The following ADGRV1 variants were observed in gnomAD, a reference collection of about 807,000 sequenced individuals.
ADGRV1 encodes the protein G-protein coupled receptor 98.
ADGRV1 carries 359 observed loss-of-function variants against 596.2 expected under a neutral mutation model. The ratio of observed to expected loss-of-function variants is 0.60; its 90% CI spans 0.55 to 0.66. The LOEUF (loss-of-function observed/expected upper bound fraction) is 0.66, where lower values mean the gene tolerates loss of function less well. ADGRV1 is among the 30% of genes least tolerant of loss of function. The pLI is 0.00. For synonymous variants in ADGRV1, 2,681 were observed against 2,679.2 expected (o/e 1.00, Z -0.02); for missense variants, 7,274 against 7,575.6 (o/e 0.96, Z 1.48).
chr5:91,004,920 C>G (rs944764835), intron 85 of ADGRV1, among the ~76,000 whole-genome samples: 1 of 152,060 alleles, frequency 6.6e-6, no homozygotes, highest in African/African-American at 2.4e-5. Flanking sequence ...CCTGGAGAAT[C>G]GACTGGGAGA....
At chr5:91,003,487 A>G (rs1194600947) in intron 85 of ADGRV1, among the ~76,000 whole-genome samples, 1 of 152,154 alleles carries the variant, frequency 6.6e-6, no homozygotes, top group East Asian at 1.9e-4. Context: ...GTTTCTCTGA[A>G]GGTAGAGGAA....
intron 76 of ADGRV1, among the ~76,000 whole-genome samples, chr5:90,824,922 C>T (rs1763943141): frequency 1.3e-5 from 2 of 152,030 alleles, no homozygotes; most frequent in South Asian, 4.1e-4. Context: ...CATCAACCCT[C>T]TCAACCCCAT....
At position 90,737,813 on chromosome 5, in the gene ADGRV1, T is replaced by C. The variant is rs968386931; in HGVS notation, c.10550-7233T>C. Among the ~76,000 whole-genome samples the C allele has an allele frequency of 6.6e-5, 10 of 152,130 alleles. No individual in the cohort carries two copies. The East Asian group carries it at 1.9e-3, about 29-fold the overall frequency. On this transcript the variant is annotated intron_variant, in intron 50 of 89. Transcript: ENST00000405460. ...CATTCCTTCATTTTCACTTTATATG[T>C]GTCGTTATTGGTAAATAGTCTCTTG...
intron 83 of ADGRV1, among the ~76,000 whole-genome samples, chr5:90,935,724 A>ATG (rs923789668): frequency 5.3e-5 from 8 of 152,188 alleles, no homozygotes; most frequent in Admixed American, 3.3e-4. Flanking sequence ...GGAAGGACAG[A>ATG]TGTGTGTCCG....
chr5:90,591,463 T>C (rs1402877215), intron 1 of ADGRV1, among the ~76,000 whole-genome samples: 1 of 152,180 alleles, frequency 6.6e-6, no homozygotes, highest in African/African-American at 2.4e-5. Context: ...AAATATTATC[T>C]ACTGGTTAGA....
chr5:90,932,157 T>A (rs1229912399), intron 83 of ADGRV1, among the ~76,000 whole-genome samples: 1 of 152,218 alleles, frequency 6.6e-6, no homozygotes, highest in East Asian at 1.9e-4. Flanking sequence ...TTCAAGGAAG[T>A]GGTAACTTGC....
chr5:90,920,615 T>G (rs1036579592), intron 83 of ADGRV1, among the ~76,000 whole-genome samples: 5 of 152,198 alleles, frequency 3.3e-5, no homozygotes, highest in Non-Finnish European at 5.9e-5. Flanking sequence ...CAAAAATATT[T>G]TATTAGATGA....
At chr5:91,134,652 C>T (rs902502203) in intron 87 of ADGRV1, among the ~76,000 whole-genome samples, 1 of 152,114 alleles carries the variant, frequency 6.6e-6, no homozygotes, top group African/African-American at 2.4e-5. Flanking sequence ...ATTGTACAAA[C>T]ATTTCCTCAT....
intron 87 of ADGRV1, among the ~76,000 whole-genome samples, chr5:91,147,359 T>C (rs1562278587): frequency 6.6e-6 from 1 of 152,202 alleles, no homozygotes; most frequent in African/African-American, 2.4e-5. Context: ...AACAATGCTT[T>C]CAACCATTGG....
intron 83 of ADGRV1, among the ~76,000 whole-genome samples, chr5:90,955,356 A>G (rs184038240): frequency 3.3e-5 from 5 of 152,172 alleles, no homozygotes; most frequent in African/African-American, 1.2e-4. Flanking sequence ...TTTGTATTCC[A>G]AAGACCTGTA....
At chr5:90,747,212 A>G (rs1754722918) in intron 52 of ADGRV1, among the ~76,000 whole-genome samples, 1 of 152,160 alleles carries the variant, frequency 6.6e-6, no homozygotes, top group South Asian at 2.1e-4. Flanking sequence ...AGAAGGACCC[A>G]TCAGCAAGAG....
chr5:90,941,344 A>G (rs1467543768), intron 83 of ADGRV1, among the ~76,000 whole-genome samples: 1 of 152,224 alleles, frequency 6.6e-6, no homozygotes, highest in African/African-American at 2.4e-5. Flanking sequence ...GATTAACATT[A>G]TATGATCAGT....
At chr5:90,737,782 T>G in intron 50 of ADGRV1, among the ~76,000 whole-genome samples, 1 of 151,996 alleles carries the variant, frequency 6.6e-6, no homozygotes, top group South Asian at 2.1e-4. Flanking sequence ...AAGGAATGCC[T>G]TTTTCCATTC....
intron 87 of ADGRV1, among the ~76,000 whole-genome samples, chr5:91,116,647 A>T (rs1792872422): frequency 6.6e-6 from 1 of 152,170 alleles, no homozygotes; most frequent in Non-Finnish European, 1.5e-5. Context: ...CAGTGATCTT[A>T]TTTGTAAATA....
At chr5:90,959,915 A>ACG (rs1777829294) in intron 83 of ADGRV1, among the ~76,000 whole-genome samples, 1 of 152,122 alleles carries the variant, frequency 6.6e-6, no homozygotes, top group African/African-American at 2.4e-5. Flanking sequence ...TAAGGTGGGC[A>ACG]GATCACGAGG....
At chr5:90,700,285 T>C (rs1418436416) in intron 34 of ADGRV1, among the ~76,000 whole-genome samples, 1 of 152,148 alleles carries the variant, frequency 6.6e-6, no homozygotes, top group Non-Finnish European at 1.5e-5. Flanking sequence ...TAGCCTAGTG[T>C]TGGAGTTTCA....
At position 90,810,912 on chromosome 5, in the gene ADGRV1, G is replaced by A. The variant is rs1762382108; in HGVS notation, c.15652G>A (p.Gly5218Arg). 3 of 1,614,016 alleles carry A rather than the reference G, an allele frequency of 1.9e-6. No homozygotes were observed. The East Asian group carries it at 6.7e-5, about 36-fold the overall frequency. Reference sequence around the variant, plus strand: ...TGTAACTGCCAATGTTTCCATTCATGGAACATTCAGCCTTGGGCCATCCAT... The same window carrying A: ...TGTAACTGCCAATGTTTCCATTCATAGAACATTCAGCCTTGGGCCATCCAT... ...ATVTANVSIH[G>R]TFSLGPSIVY... is the part of the protein sequence containing the mutation. Residue 5218 changes from glycine to arginine, a missense_variant, in exon 74 of 90, where the codon GGA (glycine) becomes AGA (arginine). Physicochemically the swap from Gly to Arg is moderately radical, Grantham distance 125. Coordinates refer to ENST00000405460, the MANE Select transcript of ADGRV1 (RefSeq NM_032119.4).
At position 90,972,021 on chromosome 5, in the gene ADGRV1, T is replaced by G. The variant is rs375099226; in HGVS notation, c.17973+6490T>G. 1.4e-4 allele frequency among the ~76,000 whole-genome samples: 21 copies of G among 151,554 alleles called. No individual in the cohort carries two copies. The South Asian group carries it at 2.1e-3, about 15-fold the overall frequency. ...GATGGAGGAAAATCTACCAAGCAAA[T>G]GGAAAACAAAAAAAGGCAGAGGTTG... On this transcript the variant is annotated intron_variant, in intron 84 of 89. Transcript: ENST00000405460.
At position 90,643,250 on chromosome 5, in the gene ADGRV1, G is replaced by A. The variant is rs2366774; in HGVS notation, c.2553+209G>A. 0.76 allele frequency among the ~76,000 whole-genome samples: 115,703 copies of A among 151,978 alleles called. 44,981 individuals carry two copies. Among genetic ancestry groups the A allele is most frequent in the African/African-American group, 0.92 (38,203 of 41,504 alleles). On this transcript the variant is annotated intron_variant, in intron 13 of 89. Coordinates refer to ENST00000405460, the MANE Select transcript of ADGRV1 (RefSeq NM_032119.4). ...AGAATGGTGTATTTTTGCTCCACAT[G>A]AAGAAATAACAAACAATCTTAGACT...
Sources: allele counts gnomAD v4.1 joint callset (sites outside exome capture counted in the v4.1 genomes callset), GRCh38; gene constraint gnomAD v4.1.1; transcripts MANE v1.5; gene names NCBI Gene and HGNC (gene_info 2026-07-23, HGNC 2026-07-21).